The following SDK1 variants were observed in gnomAD, a reference collection of about 807,000 sequenced individuals.
The protein encoded by SDK1 is sidekick cell adhesion molecule 1.
SDK1 carries 157 observed loss-of-function variants against 245.5 expected under a neutral mutation model. The observed-to-expected ratio is 0.64, with a 90% CI of 0.56 to 0.73. The LOEUF is 0.73. SDK1 is among the 30% of genes least tolerant of loss of function. The pLI, the probability that SDK1 is intolerant of heterozygous loss-of-function variation, is 0.00. For synonymous variants in SDK1, 1,647 were observed against 1,278.5 expected, an observed-to-expected ratio of 1.29 and a Z score of -6.15; for missense variants, 3,583 against 3,002.3, an observed-to-expected ratio of 1.19 and a Z score of -4.52.
At chr7:3,616,661 G>A (rs1397285353) in intron 1 of SDK1, among the ~76,000 whole-genome samples, 1 of 152,090 alleles carries the variant, frequency 6.6e-6, no homozygotes, top group African/African-American at 2.4e-5. Flanking sequence ...CTTGTGAGAG[G>A]TTGGTAATAT....
chr7:3,754,213 G>C (rs1477229356), intron 4 of SDK1, among the ~76,000 whole-genome samples: 1 of 152,136 alleles, frequency 6.6e-6, no homozygotes, highest in Non-Finnish European at 1.5e-5. Flanking sequence ...CAGTTGTCTT[G>C]CTTCATACCC....
chr7:4,132,608 G>C (rs1297165880), intron 28 of SDK1, 185 bp downstream of exon 28: 3 of 517,888 alleles, frequency 5.8e-6, no homozygotes, highest in Non-Finnish European at 1.1e-5. Flanking sequence ...GCACCTGTTG[G>C]TCCCAGCTAC....
chr7:3,830,978 T>G (rs1015466200), intron 5 of SDK1, among the ~76,000 whole-genome samples: 2 of 152,228 alleles, frequency 1.3e-5, no homozygotes, highest in Admixed American at 1.3e-4. Flanking sequence ...TGCATTTTCT[T>G]TCTAGCTCTT....
At chr7:3,361,502 T>G (rs958311385) in intron 1 of SDK1, among the ~76,000 whole-genome samples, 1 of 152,240 alleles carries the variant, frequency 6.6e-6, no homozygotes, top group African/African-American at 2.4e-5. Flanking sequence ...TCTCTCACCT[T>G]CGTTTCCCAC....
chr7:3,331,203 G>T (rs1319051651), intron 1 of SDK1, among the ~76,000 whole-genome samples: 2 of 152,168 alleles, frequency 1.3e-5, no homozygotes, highest in Non-Finnish European at 2.9e-5. Context: ...GGCAGAGATT[G>T]CAGTGAGCCG....
In SDK1 at chr7:3,710,185, C is replaced by T. The variant is rs140643956; in HGVS notation, c.713+68080C>T. On this transcript the variant is annotated intron_variant, in intron 4 of 44. Transcript: ENST00000404826. ...TGACAGATCTGGTGGTACTTAGAGC[C>T]AGTAACATGCAGCAGTTAATTATGC... is the stretch of plus-strand genomic sequence containing the variant. Among the ~76,000 whole-genome samples, 765 of 152,280 alleles carry T rather than the reference C, an allele frequency of 5.0e-3. 6 individuals are homozygous for T. Among genetic ancestry groups the T allele is most frequent in the Admixed American group, 7.8e-3 (119 of 15,304 alleles).
rs1365890941 is a variant in SDK1 at position 4,026,406 on chromosome 7, A to G, written c.2602+9054A>G. The stretch of plus-strand genomic sequence containing the variant: ...TAGGAATGAAACTGGTATTTTGTGA[A>G]TAGAAATAACATCTTGTTCCTAACT... On this transcript the variant is annotated intron_variant, in intron 17 of 44. Transcript: ENST00000404826. This position sits in a 1 kb window ranked among gnomAD's most constrained non-coding sequence, Gnocchi z 4.1. Among the ~76,000 whole-genome samples the G allele has an allele frequency of 6.6e-6, 1 of 152,208 alleles. No homozygotes were observed. Among genetic ancestry groups the G allele is most frequent in the African/African-American group, 2.4e-5 (1 of 41,446 alleles).
In SDK1 at chr7:3,962,742, C is replaced by G; in HGVS notation, c.1320C>G (p.Ser440Arg). Reference protein sequence around the residue: ...LQNPRYKVLASGGLRIQKLRP... With the variant: ...LQNPRYKVLARGGLRIQKLRP... ...ATCCTCGATACAAAGTGCTCGCCAG[C>G]GGAGGCCTGCGCATCCAGAAGCTGC... Residue 440 changes from serine (S) to arginine (R), a missense_variant, in exon 9 of 45, where the codon AGC becomes AGG. Coordinates refer to ENST00000404826, the MANE Select transcript of SDK1 (RefSeq NM_152744.4). 1.9e-6 allele frequency: 3 copies of G among 1,613,664 alleles called. No homozygotes were observed. Among genetic ancestry groups the G allele is most frequent in the Non-Finnish European group, 1.7e-6 (2 of 1,179,844 alleles).
At chr7:3,898,341 C>A (rs1583529061) in intron 5 of SDK1, among the ~76,000 whole-genome samples, 1 of 152,200 alleles carries the variant, frequency 6.6e-6, no homozygotes. Flanking sequence ...AAAGCGCAGA[C>A]ATGGGACAAG....
intron 1 of SDK1, among the ~76,000 whole-genome samples, chr7:3,356,261 G>T (rs1398236198): frequency 6.6e-6 from 1 of 152,060 alleles, no homozygotes; most frequent in African/African-American, 2.4e-5. Context: ...TTTGGGGGGT[G>T]GGGGTTGGTG....
chr7:3,329,027 G>C (rs866195826), intron 1 of SDK1, among the ~76,000 whole-genome samples: 1 of 152,120 alleles, frequency 6.6e-6, no homozygotes, highest in South Asian at 2.1e-4. Context: ...AGTCTTTTAC[G>C]ATGTTCACCG....
chr7:4,163,842 A>C (rs1460124775), intron 32 of SDK1, among the ~76,000 whole-genome samples: 1 of 152,204 alleles, frequency 6.6e-6, no homozygotes, highest in African/African-American at 2.4e-5. Flanking sequence ...GTATGATCCT[A>C]TGAAATATGA....
chr7:3,715,487 C>G (rs967743298), intron 4 of SDK1, among the ~76,000 whole-genome samples: 3 of 152,104 alleles, frequency 2.0e-5, no homozygotes, highest in African/African-American at 7.2e-5. Context: ...CACCTTCTAC[C>G]TGGTGATGCA....
At position 3,699,682 on chromosome 7, in the gene SDK1, C is replaced by G. The variant is rs114133314; in HGVS notation, c.713+57577C>G. Among the ~76,000 whole-genome samples, 270 of 151,982 alleles carry G rather than the reference C, an allele frequency of 1.8e-3. 1 individual carries two copies. Among genetic ancestry groups the G allele is most frequent in the African/African-American group, 6.4e-3 (264 of 41,430 alleles). On this transcript the variant is annotated intron_variant, in intron 4 of 44. Coordinates refer to ENST00000404826, the MANE Select transcript of SDK1 (RefSeq NM_152744.4). Reference sequence around the variant, plus strand: ...GATTTCATGTTTGTATAGTCAGTATCCAAGAAGAAGAGAAAGAGGGTAGAG... The same window carrying G: ...GATTTCATGTTTGTATAGTCAGTATGCAAGAAGAAGAGAAAGAGGGTAGAG...
chr7:3,556,936 A>G (rs963070468), intron 1 of SDK1, among the ~76,000 whole-genome samples: 8 of 152,186 alleles, frequency 5.3e-5, no homozygotes, highest in South Asian at 2.1e-4. Flanking sequence ...CTGTATCACA[A>G]TATCTCATGT....
intron 1 of SDK1, among the ~76,000 whole-genome samples, chr7:3,517,046 A>G (rs1233784325): frequency 7.9e-5 from 12 of 151,958 alleles, no homozygotes; most frequent in Admixed American, 7.9e-4. Context: ...AACATTCCTG[A>G]TTTTTCTCTG....
At chr7:3,354,799 C>G (rs752891072) in intron 1 of SDK1, among the ~76,000 whole-genome samples, 7 of 152,176 alleles carry the variant, frequency 4.6e-5, no homozygotes, top group Non-Finnish European at 8.8e-5. Context: ...CTAGATTATG[C>G]TTGAATATCT....
intron 4 of SDK1, among the ~76,000 whole-genome samples, chr7:3,743,590 G>C (rs1335016442): frequency 6.6e-6 from 1 of 152,140 alleles, no homozygotes; most frequent in Non-Finnish European, 1.5e-5. Flanking sequence ...GAATACCCTA[G>C]TACCACAAAA....
intron 30 of SDK1, among the ~76,000 whole-genome samples, chr7:4,152,353 G>A (rs1484720388): frequency 3.9e-5 from 6 of 152,202 alleles, no homozygotes; most frequent in Non-Finnish European, 5.9e-5. Context: ...GCACAGCCCC[G>A]AGGGTCAGGG....
Sources: allele counts gnomAD v4.1 joint callset (sites outside exome capture counted in the v4.1 genomes callset), GRCh38; gene constraint gnomAD v4.1.1; non-coding constraint Gnocchi (gnomAD v3.1); transcripts MANE v1.5; gene names NCBI Gene and HGNC (gene_info 2026-07-23, HGNC 2026-07-21).